CACNA2D3: variants seen among roughly 807,000 people sequenced by gnomAD.
The protein encoded by CACNA2D3 is calcium voltage-gated channel auxiliary subunit alpha2delta 3, also known as voltage-dependent calcium channel subunit alpha-2/delta-3.
CACNA2D3 carries 60 observed loss-of-function variants against 160.6 expected under a neutral mutation model. The observed-to-expected ratio is 0.37, with a 90% confidence interval of 0.30 to 0.46. The LOEUF is 0.46. CACNA2D3 is among the 20% of genes least tolerant of loss of function. CACNA2D3 has a pLI of 1.00. For synonymous variants in CACNA2D3, 558 were observed against 492.9 expected (o/e 1.13, Z -1.75); for missense variants, 1,205 against 1,365.0 (o/e 0.88, Z 1.85).
intron 5 of CACNA2D3, among the ~76,000 whole-genome samples, chr3:54,533,955 G>A (rs1701846782): frequency 6.6e-6 from 1 of 152,148 alleles, no homozygotes; most frequent in South Asian, 2.1e-4. Context: ...ATTTGTGAAT[G>A]TTTCCAAATA....
Position 54,806,290 on chromosome 3 carries a change from A to T in CACNA2D3, c.1381-10563A>T, listed in dbSNP as rs1479380415. ...CCCTGTTTGCAGACGACATGATTGT[A>T]TATCTAGAAAACCCCATTGTCTCAG... is the stretch of plus-strand genomic sequence containing the variant. On this transcript the variant is annotated intron_variant, in intron 13 of 37. Coordinates refer to ENST00000474759, the MANE Select transcript of CACNA2D3 (RefSeq NM_018398.3). 3.3e-5 allele frequency among the ~76,000 whole-genome samples: 5 copies of T among 152,166 alleles called. No individual in the cohort carries two copies. The East Asian group carries it at 5.8e-4, about 18-fold the overall frequency.
At chr3:54,524,913 A>G (rs1261602346) in intron 5 of CACNA2D3, among the ~76,000 whole-genome samples, 1 of 152,112 alleles carries the variant, frequency 6.6e-6, no homozygotes, top group Non-Finnish European at 1.5e-5. Context: ...TCTTATAGAT[A>G]ACATGTACTT....
intron 2 of CACNA2D3, among the ~76,000 whole-genome samples, chr3:54,154,066 C>T (rs899576861): frequency 4.6e-5 from 7 of 152,144 alleles, no homozygotes; most frequent in African/African-American, 1.4e-4. Flanking sequence ...GGCATGATTG[C>T]TAGGATTTAT....
At chr3:54,657,490 A>G (rs1237238560) in intron 11 of CACNA2D3, among the ~76,000 whole-genome samples, 1 of 152,306 alleles carries the variant, frequency 6.6e-6, no homozygotes, top group East Asian at 1.9e-4. Flanking sequence ...CTCATCTTGT[A>G]TAACGGTAAC....
At chr3:54,498,309 T>C (rs1701236025) in intron 4 of CACNA2D3, among the ~76,000 whole-genome samples, 1 of 151,984 alleles carries the variant, frequency 6.6e-6, no homozygotes, top group Admixed American at 6.5e-5. Flanking sequence ...TGTGTCCATT[T>C]TGATAATTTC....
At chr3:54,158,542 A>G (rs1576967056) in intron 2 of CACNA2D3, among the ~76,000 whole-genome samples, 1 of 152,212 alleles carries the variant, frequency 6.6e-6, no homozygotes, top group African/African-American at 2.4e-5. Flanking sequence ...CTTGAATAAC[A>G]AAGAGTACTG....
chr3:54,969,270 T>TG lies in CACNA2D3; in HGVS notation c.2512-530_2512-529insG, dbSNP rs887410613. Among the ~76,000 whole-genome samples the TG allele has an allele frequency of 5.3e-5, 8 of 150,632 alleles. 1 individual carries two copies. Among genetic ancestry groups the TG allele is most frequent in the Non-Finnish European group, 7.4e-5 (5 of 67,696 alleles). On this transcript the variant is annotated intron_variant, in intron 28 of 37. Coordinates refer to ENST00000474759, the MANE Select transcript of CACNA2D3 (RefSeq NM_018398.3). ...TGACAACATAAAGTAGACTTTTTTTTTTTTTTTTTGAGATAGTCTTGCTCT... is the reference window on the plus strand; with the variant it reads ...TGACAACATAAAGTAGACTTTTTTTTGTTTTTTTTTGAGATAGTCTTGCTCT...
At chr3:54,635,610 G>C (rs571697150) in intron 10 of CACNA2D3, among the ~76,000 whole-genome samples, 1 of 149,114 alleles carries the variant, frequency 6.7e-6, no homozygotes, top group Non-Finnish European at 1.5e-5. Flanking sequence ...GTAGCATTCC[G>C]AGGACAGGCC....
At chr3:54,572,081 T>A (rs1359663839) in intron 8 of CACNA2D3, among the ~76,000 whole-genome samples, 1 of 152,120 alleles carries the variant, frequency 6.6e-6, no homozygotes, top group Admixed American at 6.5e-5. Flanking sequence ...GCCTTCTGCA[T>A]AGGCGTGACA....
At chr3:54,967,504 A>G (rs952653464) in intron 27 of CACNA2D3, among the ~76,000 whole-genome samples, 22 of 152,208 alleles carry the variant, frequency 1.4e-4, no homozygotes, top group African/African-American at 5.1e-4. Flanking sequence ...TATTGGTGGT[A>G]TGCAAATATG....
chr3:54,386,837 G>T (rs1195770135), intron 4 of CACNA2D3, 63 bp downstream of exon 4: 1 of 1,412,448 alleles, frequency 7.1e-7, no homozygotes. Flanking sequence ...CAAGTACCAG[G>T]TATACCAGGA....
chr3:54,589,112 T>C (rs1702813574), intron 9 of CACNA2D3, among the ~76,000 whole-genome samples: 1 of 152,054 alleles, frequency 6.6e-6, no homozygotes, highest in Non-Finnish European at 1.5e-5. Flanking sequence ...ATCTACCCAA[T>C]GTTAAGGCCT....
chr3:54,296,371 T>C (rs1703343498), intron 2 of CACNA2D3, among the ~76,000 whole-genome samples: 1 of 152,182 alleles, frequency 6.6e-6, no homozygotes, highest in Admixed American at 6.5e-5. Context: ...GCTGGACTTG[T>C]TGCTTTCTCA....
At chr3:54,983,864 T>G (rs966214983) in intron 29 of CACNA2D3, among the ~76,000 whole-genome samples, 1 of 152,242 alleles carries the variant, frequency 6.6e-6, no homozygotes, top group Non-Finnish European at 1.5e-5. Context: ...ACCTTAAGTT[T>G]AAACTCCACA....
At chr3:55,024,104 T>C (rs1297437980) in intron 35 of CACNA2D3, among the ~76,000 whole-genome samples, 3 of 132,032 alleles carry the variant, frequency 2.3e-5, no homozygotes, top group Non-Finnish European at 4.7e-5. Context: ...AAGAAAGTAC[T>C]GAAGTGTACG....
At chr3:54,723,614 A>G (rs1701218626) in intron 11 of CACNA2D3, among the ~76,000 whole-genome samples, 1 of 152,182 alleles carries the variant, frequency 6.6e-6, no homozygotes, top group African/African-American at 2.4e-5. Context: ...TCAGTCCCTC[A>G]TGGTTTCACT....
At chr3:54,952,149 C>A (rs1392916674) in intron 27 of CACNA2D3, among the ~76,000 whole-genome samples, 3 of 152,178 alleles carry the variant, frequency 2.0e-5, no homozygotes, top group African/African-American at 7.2e-5. Context: ...CCTGGCTGGC[C>A]AGCTGTGTTT....
At position 54,679,367 on chromosome 3, in the gene CACNA2D3, C is replaced by A. The variant is rs545205455; in HGVS notation, c.1167+37126C>A. 3.3e-5 allele frequency among the ~76,000 whole-genome samples: 5 copies of A among 152,310 alleles called. No homozygotes were observed. The East Asian group carries it at 7.7e-4, about 23-fold the overall frequency. ...ACTCAAAAGCATCCTTTTCTTATCT[C>A]ACCTTAGATAGATGCTAGAGCGGTT... On this transcript the variant is annotated intron_variant, in intron 11 of 37. Transcript: ENST00000474759.
At chr3:54,278,411 T>C (rs183869803) in intron 2 of CACNA2D3, among the ~76,000 whole-genome samples, 29 of 152,284 alleles carry the variant, frequency 1.9e-4, no homozygotes, top group Non-Finnish European at 3.5e-4. Context: ...TTAGTTCACC[T>C]GTGGAAGTCA....
Sources: gnomAD v4.1 joint callset for allele counts (sites outside exome capture counted in the v4.1 genomes callset) on GRCh38, gnomAD v4.1.1 for gene constraint, MANE v1.5 for transcripts, NCBI Gene and HGNC (gene_info 2026-07-23, HGNC 2026-07-21) for gene names.